WRN: variants seen among roughly 807,000 people sequenced by gnomAD.
WRN encodes WRN RecQ like helicase.
A neutral mutation model predicts 180.7 loss-of-function variants in WRN; 149 were observed. The ratio of observed to expected loss-of-function variants is 0.82; its 90% CI spans 0.72 to 0.94. The LOEUF (loss-of-function observed/expected upper bound fraction) is 0.94, where lower values mean the gene tolerates loss of function less well. WRN is among the 40% of genes least tolerant of loss of function. The probability of loss-of-function intolerance (pLI) is 0.00; values close to 1 mark genes in which losing one functional copy is unlikely to be tolerated. For missense variants in WRN, 1,661 were observed against 1,700.1 expected (o/e 0.98, Z 0.40); for synonymous variants, 548 against 568.9 (o/e 0.96, Z 0.52).
intron 20 of WRN, 68 bp from the exon 21 acceptor site, chr8:31,120,175 A>G: frequency 1.9e-6 from 3 of 1,576,776 alleles, no homozygotes; most frequent in Admixed American, 3.3e-5. Context: ...TTCTTACAAA[A>G]AGGTATAAAT....
Position 31,085,246 on chromosome 8 carries a change from G to C in WRN, c.1431G>C (p.Lys477Asn), listed in dbSNP as rs376705983. Residue 477 changes from lysine to asparagine, a missense_variant and splice_region_variant, in exon 11 of 35, where the codon AAG becomes AAC. Around this residue, in one of 3 missense-constraint regions of WRN, gnomAD observed 1,141 missense variants for 1,149.4 expected, o/e 0.99. Transcript: ENST00000298139. The stretch of plus-strand genomic sequence containing the variant: ...AAGATTTAGAAATGGAGATGCTTAA[G>C]GTATGTTTACAATTATAAAAACATT... Reference protein sequence around the residue: ...SDEDLEMEMLKSLENLNSGTV... With the variant: ...SDEDLEMEMLNSLENLNSGTV... The C allele has an allele frequency of 6.2e-7, 1 of 1,612,242 alleles. No homozygotes were observed. The highest frequency in any genetic ancestry group is 1.7e-5 in the Admixed American group (1 of 59,942).
At chr8:31,092,706 A>T (rs963371361) in intron 16 of WRN, among the ~76,000 whole-genome samples, 1 of 151,798 alleles carries the variant, frequency 6.6e-6, no homozygotes, top group Non-Finnish European at 1.5e-5. Flanking sequence ...CTCTAACAAG[A>T]TACAGAATAT....
At chr8:31,082,586 T>G (rs1563339839) in intron 9 of WRN, among the ~76,000 whole-genome samples, 1 of 152,256 alleles carries the variant, frequency 6.6e-6, no homozygotes, top group African/African-American at 2.4e-5. Context: ...TATTATAGGA[T>G]TATCAGGATT....
intron 1 of WRN, 61 bp from the exon 2 acceptor site, chr8:31,058,311 C>A (rs2129999817): frequency 1.4e-6 from 1 of 721,432 alleles, no homozygotes; most frequent in Non-Finnish European, 2.4e-6. Context: ...ACCTAGGTGT[C>A]ATAACTTACT....
chr8:31,103,813 C>G (rs1800975879), intron 18 of WRN, among the ~76,000 whole-genome samples: 1 of 152,104 alleles, frequency 6.6e-6, no homozygotes. Flanking sequence ...CGGCTCGCTG[C>G]AAGCTCCGCC....
chr8:31,126,787 A>G (rs532106288), intron 23 of WRN, among the ~76,000 whole-genome samples: 6 of 152,090 alleles, frequency 3.9e-5, no homozygotes, highest in Non-Finnish European at 5.9e-5. Flanking sequence ...GAGAAAATCA[A>G]CTCAAAAGCT....
intron 7 of WRN, among the ~76,000 whole-genome samples, chr8:31,074,963 G>C (rs1813044668): frequency 6.6e-6 from 1 of 152,164 alleles, no homozygotes; most frequent in South Asian, 2.1e-4. Flanking sequence ...AAGGCTTACA[G>C]TTGTAGTCTG....
In WRN at chr8:31,175,623, G is replaced by GGC. The variant is rs1804252351; in HGVS notation, c.*2521_*2522insGC. Among the ~76,000 whole-genome samples the GGC allele has an allele frequency of 6.6e-6, 1 of 152,172 alleles. No homozygotes were observed. The highest frequency in any genetic ancestry group is 1.5e-5 in the Non-Finnish European group (1 of 68,034). ...TTTTGGTAAAATTTCAGAGAACAAT[G>GGC]TCCACCATTATCTGAACAGGCTATT... On this transcript the variant is annotated 3_prime_UTR_variant, in exon 35 of 35. Transcript: ENST00000298139.
intron 33 of WRN, among the ~76,000 whole-genome samples, chr8:31,160,597 A>G (rs1002253303): frequency 6.6e-6 from 1 of 152,214 alleles, no homozygotes; most frequent in Non-Finnish European, 1.5e-5. Context: ...CATCGTGTGG[A>G]ATTTTTCTTC....
intron 1 of WRN, among the ~76,000 whole-genome samples, chr8:31,051,542 C>G (rs916891131): frequency 5.9e-5 from 9 of 152,130 alleles, no homozygotes; most frequent in African/African-American, 1.9e-4. Context: ...TAAATGCTGT[C>G]AAATAGAATC....
intron 28 of WRN, among the ~76,000 whole-genome samples, chr8:31,145,005 A>G (rs536207204): frequency 1.2e-4 from 19 of 152,326 alleles, no homozygotes; most frequent in Non-Finnish European, 2.2e-4. Context: ...GCTGCAGAAT[A>G]AAAGTTTGAG....
chr8:31,089,572 A>G (rs1031244179), intron 13 of WRN, among the ~76,000 whole-genome samples: 2 of 151,908 alleles, frequency 1.3e-5, no homozygotes, highest in African/African-American at 4.8e-5. Flanking sequence ...GATCTTAAAC[A>G]TTTTTTATTT....
chr8:31,167,576 G>A (rs965584520), intron 34 of WRN, among the ~76,000 whole-genome samples: 2 of 152,012 alleles, frequency 1.3e-5, no homozygotes, highest in African/African-American at 4.8e-5. Flanking sequence ...AAAACAAATT[G>A]TATTATAAAT....
chr8:31,107,398 T>G (rs1344146701), intron 18 of WRN, among the ~76,000 whole-genome samples: 4 of 152,242 alleles, frequency 2.6e-5, no homozygotes, highest in Admixed American at 1.3e-4. Context: ...TAAGCTTGAA[T>G]TAAATCTTTT....
chr8:31,064,493 C>T, intron 4 of WRN, 59 bp downstream of exon 4: 2 of 1,609,140 alleles, frequency 1.2e-6, no homozygotes, highest in Non-Finnish European at 1.7e-6. Context: ...TCAACTTTAT[C>T]CCTATAAAAT....
chr8:31,115,255 C>G (rs975618655), intron 19 of WRN, among the ~76,000 whole-genome samples: 1 of 152,158 alleles, frequency 6.6e-6, no homozygotes, highest in African/African-American at 2.4e-5. Context: ...TTAAGTAGTT[C>G]ACTGTGAATT....
chr8:31,149,163 C>T lies in WRN; in HGVS notation c.3573-1178C>T, dbSNP rs185690523. On this transcript the variant is annotated intron_variant, in intron 30 of 34. Coordinates refer to ENST00000298139, the MANE Select transcript of WRN (RefSeq NM_000553.6). ...TGTAAATCCCAGGACTTTGGGAGGC[C>T]GAGGCGGGCGGATCACGAGGTTAGG... 5.3e-3 allele frequency among the ~76,000 whole-genome samples: 806 copies of T among 152,012 alleles called. 11 individuals are homozygous for T. Among genetic ancestry groups the T allele is most frequent in the Non-Finnish European group, 3.1e-3 (211 of 67,990 alleles).
chr8:31,113,145 G>A (rs1801381735), intron 19 of WRN, among the ~76,000 whole-genome samples: 2 of 150,686 alleles, frequency 1.3e-5, no homozygotes, highest in South Asian at 4.2e-4. Flanking sequence ...TGTTGGGGCT[G>A]CAGTGAGCTG....
At position 31,173,452 on chromosome 8, in the gene WRN, A is replaced by G; in HGVS notation, c.*350A>G. 1 of 233,948 alleles carries G rather than the reference A, an allele frequency of 4.3e-6. No individual in the cohort carries two copies. Among genetic ancestry groups the G allele is most frequent in the Non-Finnish European group, 8.5e-6 (1 of 117,704 alleles). 14.5% of individuals were successfully genotyped at this position (233,948 alleles called of 1,614,324 possible). On this transcript the variant is annotated 3_prime_UTR_variant, in exon 35 of 35. Transcript: ENST00000298139. The stretch of plus-strand genomic sequence containing the variant: ...ATATAGATAACAGATTAGTAGTTAC[A>G]TGGTAATTATGTGATATAAAATATT...
Sources: allele counts gnomAD v4.1 joint callset (sites outside exome capture counted in the v4.1 genomes callset), GRCh38; gene constraint gnomAD v4.1.1; regional missense constraint gnomAD v4.1.1; transcripts MANE v1.5; gene names NCBI Gene and HGNC (gene_info 2026-07-23, HGNC 2026-07-21).